The following LRP1B variants were observed in gnomAD, a reference collection of about 807,000 sequenced individuals.
The protein encoded by LRP1B is low-density lipoprotein receptor-related protein 1B.
Under a neutral mutation model 556.6 loss-of-function variants are expected in LRP1B, and 217 were observed. That is an observed-to-expected ratio of 0.39 (90% CI 0.35 to 0.44). The LOEUF is 0.44. Among genes scored for constraint, LRP1B ranks in the 20% least tolerant of loss-of-function variants. LRP1B has a pLI of 1.00. For synonymous variants in LRP1B, 2,047 were observed against 1,865.8 expected, an observed-to-expected ratio of 1.10 and a Z score of -2.50; for missense variants, 5,053 against 5,620.8, an observed-to-expected ratio of 0.90 and a Z score of 3.23.
intron 37 of LRP1B, among the ~76,000 whole-genome samples, chr2:140,703,477 T>C (rs536095938): frequency 2.2e-4 from 33 of 152,282 alleles, no homozygotes; most frequent in African/African-American, 7.5e-4. Context: ...AATTCTTAAT[T>C]TGAAGTTACA....
At chr2:141,145,875 T>C (rs1701770093) in intron 7 of LRP1B, among the ~76,000 whole-genome samples, 1 of 151,678 alleles carries the variant, frequency 6.6e-6, no homozygotes, top group Non-Finnish European at 1.5e-5. Flanking sequence ...ATATGTCTTT[T>C]ACAAGGTTTT....
chr2:140,814,587 A>G (rs1213310485), intron 31 of LRP1B, among the ~76,000 whole-genome samples: 2 of 152,140 alleles, frequency 1.3e-5, no homozygotes, highest in African/African-American at 4.8e-5. Flanking sequence ...ATTTATAATT[A>G]CTCATCTATT....
At chr2:141,101,883 AATG>A (rs1284104582) in intron 7 of LRP1B, among the ~76,000 whole-genome samples, 1 of 152,148 alleles carries the variant, frequency 6.6e-6, no homozygotes, top group Admixed American at 6.6e-5. Flanking sequence ...ACATAGTGAA[AATG>A]GTACAGCATA....
rs376616999 is a variant in LRP1B at position 141,192,725 on chromosome 2, A to T, written c.851-4142T>A. ...AAATTTTCTGCTCTATATCAATATC[A>T]TCTGAAAGTACTGACCACTCATCTT... On this transcript the variant is annotated intron_variant, in intron 6 of 90. Coordinates refer to ENST00000389484, the MANE Select transcript of LRP1B (RefSeq NM_018557.3). Among the ~76,000 whole-genome samples, 38 of 151,998 alleles carry T rather than the reference A, an allele frequency of 2.5e-4. No individual in the cohort carries two copies. The South Asian group carries it at 7.2e-3, about 29-fold the overall frequency.
At chr2:140,646,792 G>C (rs984552394) in intron 41 of LRP1B, among the ~76,000 whole-genome samples, 1 of 151,742 alleles carries the variant, frequency 6.6e-6, no homozygotes, top group Non-Finnish European at 1.5e-5. Flanking sequence ...AAATGTATAT[G>C]AGCAAATACA....
intron 1 of LRP1B, among the ~76,000 whole-genome samples, chr2:142,062,576 G>A (rs910792986): frequency 6.6e-6 from 1 of 151,596 alleles, no homozygotes; most frequent in African/African-American, 2.4e-5. Flanking sequence ...TGATTTATCA[G>A]GGATGACACA....
chr2:140,930,346 G>A (rs893048203), intron 20 of LRP1B, among the ~76,000 whole-genome samples: 2 of 152,006 alleles, frequency 1.3e-5, no homozygotes, highest in African/African-American at 2.4e-5. Flanking sequence ...ACAGAGCCCT[G>A]AAGGAAATAT....
chr2:141,279,835 T>C (rs916159685), intron 3 of LRP1B, among the ~76,000 whole-genome samples: 1 of 152,042 alleles, frequency 6.6e-6, no homozygotes, highest in African/African-American at 2.4e-5. Context: ...TAAGGGATAA[T>C]ACAATAGGTT....
intron 3 of LRP1B, among the ~76,000 whole-genome samples, chr2:141,469,284 A>G (rs1682366293): frequency 6.6e-6 from 1 of 152,232 alleles, no homozygotes; most frequent in Non-Finnish European, 1.5e-5. Flanking sequence ...AAGACTGACT[A>G]CGGTGAGCTC....
At chr2:141,780,576 G>C (rs975526962) in intron 2 of LRP1B, among the ~76,000 whole-genome samples, 2 of 152,114 alleles carry the variant, frequency 1.3e-5, no homozygotes, top group Non-Finnish European at 2.9e-5. Context: ...GCTATTTTAA[G>C]CTATCGCGTG....
intron 60 of LRP1B, among the ~76,000 whole-genome samples, chr2:140,471,481 C>T (rs1687767497): frequency 6.6e-6 from 1 of 151,932 alleles, no homozygotes; most frequent in African/African-American, 2.4e-5. Flanking sequence ...AATTATTTTC[C>T]CCTAGCTAAT....
chr2:140,678,715 C>A (rs1685757376), intron 41 of LRP1B, among the ~76,000 whole-genome samples: 1 of 150,728 alleles, frequency 6.6e-6, no homozygotes, highest in Non-Finnish European at 1.5e-5. Flanking sequence ...CTGAAGGCTG[C>A]AAATCTAAAA....
chr2:140,427,320 C>T (rs1436304760), intron 66 of LRP1B, among the ~76,000 whole-genome samples: 1 of 152,114 alleles, frequency 6.6e-6, no homozygotes, highest in East Asian at 1.9e-4. Flanking sequence ...ACGTTGCAGC[C>T]CAGGGCTGCT....
intron 3 of LRP1B, among the ~76,000 whole-genome samples, chr2:141,297,285 T>C (rs530903716): frequency 6.6e-6 from 1 of 152,148 alleles, no homozygotes; most frequent in South Asian, 2.1e-4. Flanking sequence ...AGAATGGCTA[T>C]TACTAAAAAG....
intron 5 of LRP1B, among the ~76,000 whole-genome samples, chr2:141,237,914 T>C (rs1332200930): frequency 1.3e-5 from 2 of 152,146 alleles, no homozygotes; most frequent in Admixed American, 6.6e-5. Context: ...GAATGAAATA[T>C]GGGGGACTGT....
intron 14 of LRP1B, among the ~76,000 whole-genome samples, chr2:141,006,239 GTAATTGGCATATCCA>G (rs1697571329): frequency 6.6e-6 from 1 of 151,906 alleles, no homozygotes; most frequent in Non-Finnish European, 1.5e-5. Flanking sequence ...TCAGATCAGG[GTAATTGGCATATCCA>G]TAATCTCAAA....
At position 142,115,672 on chromosome 2, in the gene LRP1B, TAATATATATATAATATATA is replaced by T. The variant is rs1559080188; in HGVS notation, c.82+14957_82+14975del. 1.6e-3 allele frequency among the ~76,000 whole-genome samples: 11 copies of T among 7,084 alleles called. 5 individuals are homozygous for T. The highest frequency in any genetic ancestry group is 4.0e-3 in the African/African-American group (9 of 2,234). The allele number at this position is 7,084 out of a possible 152,430, so 4.6% of individuals were successfully genotyped here. A position where few individuals can be genotyped will look rare whatever the true frequency, so the allele number is the denominator to read the frequency against. ...ATATATTATATGTAATATATATATG[TAATATATATATAATATATA>T]TGTAATATATATATAATATATATGT... On this transcript the variant is annotated intron_variant, in intron 1 of 90. Coordinates refer to ENST00000389484, the MANE Select transcript of LRP1B (RefSeq NM_018557.3).
intron 3 of LRP1B, among the ~76,000 whole-genome samples, chr2:141,339,600 G>A (rs190803881): frequency 8.5e-5 from 13 of 152,212 alleles, no homozygotes; most frequent in African/African-American, 3.1e-4. Flanking sequence ...GAGAGCAAAA[G>A]GAATGGTTAG....
chr2:141,323,577 G>A (rs1165435839), intron 3 of LRP1B, among the ~76,000 whole-genome samples: 1 of 151,656 alleles, frequency 6.6e-6, no homozygotes, highest in Non-Finnish European at 1.5e-5. Flanking sequence ...CATTCTCTCT[G>A]GATGCAGGAA....
Sources: allele counts gnomAD v4.1 joint callset (sites outside exome capture counted in the v4.1 genomes callset), GRCh38; gene constraint gnomAD v4.1.1; transcripts MANE v1.5; gene names NCBI Gene and HGNC (gene_info 2026-07-23, HGNC 2026-07-21).